The following SH3PXD2B variants were observed in gnomAD, a reference collection of about 807,000 sequenced individuals.
SH3PXD2B encodes SH3 and PX domain-containing protein 2B.
A neutral mutation model predicts 73.1 loss-of-function variants in SH3PXD2B; 37 were observed. That is an observed-to-expected ratio of 0.51 (90% CI 0.39 to 0.67). SH3PXD2B has a LOEUF of 0.67. SH3PXD2B is among the 30% of genes least tolerant of loss of function. SH3PXD2B has a pLI of 0.00. For missense variants in SH3PXD2B, 1,053 were observed against 1,197.8 expected, an observed-to-expected ratio of 0.88 and a Z score of 1.78; for synonymous variants, 457 against 480.5, an observed-to-expected ratio of 0.95 and a Z score of 0.64.
intron 4 of SH3PXD2B, among the ~76,000 whole-genome samples, chr5:172,385,975 C>T (rs1758052238): frequency 6.6e-6 from 1 of 152,236 alleles, no homozygotes; most frequent in South Asian, 2.1e-4. Flanking sequence ...AGAACCACAG[C>T]TCCAGCAAAC....
Position 172,368,526 on chromosome 5 carries a change from T to A in SH3PXD2B, c.427+5264A>T, listed in dbSNP as rs796600582. Among the ~76,000 whole-genome samples the A allele has an allele frequency of 7.9e-3, 56 of 7,078 alleles. 1 individual carries two copies. The highest frequency in any genetic ancestry group is 9.9e-3 in the Admixed American group (3 of 302). The allele number at this position is 7,078 out of a possible 152,430, so 4.6% of individuals were successfully genotyped here. ...TATATATATATAAAATATATATATA[T>A]TATATATATATATAAAATATATATA... On this transcript the variant is annotated intron_variant, in intron 6 of 12. Coordinates refer to ENST00000311601, the MANE Select transcript of SH3PXD2B (RefSeq NM_001017995.3).
chr5:172,350,510 G>A lies in SH3PXD2B; in HGVS notation c.865C>T (p.Pro289Ser), dbSNP rs1223712482. 1.9e-6 allele frequency: 3 copies of A among 1,614,038 alleles called. No homozygotes were observed. The highest frequency in any genetic ancestry group is 1.7e-6 in the Non-Finnish European group (2 of 1,180,038). ...SGEPLPPKPG[P>S]GSPSHPGALD... Reference sequence around the variant, plus strand: ...GCACCCGGGTGGGAGGGTGAGCCAGGGCCTGGCTTCGGGGGCAAGGGCTCC... The same window carrying A: ...GCACCCGGGTGGGAGGGTGAGCCAGAGCCTGGCTTCGGGGGCAAGGGCTCC... The change falls in exon 10 of 13, where the codon CCT becomes TCT. Residue 289 changes from proline to serine, a missense_variant. This residue lies in a region of SH3PXD2B where 466 missense variants were observed against 607.1 expected (regional missense o/e 0.77). Coordinates refer to ENST00000311601, the MANE Select transcript of SH3PXD2B (RefSeq NM_001017995.3).
intron 12 of SH3PXD2B, among the ~76,000 whole-genome samples, chr5:172,341,182 G>A (rs1233841925): frequency 6.6e-6 from 1 of 152,218 alleles, no homozygotes; most frequent in Non-Finnish European, 1.5e-5. Flanking sequence ...AAATTCGTAT[G>A]TTGAAGCCCT....
chr5:172,345,921 T>TA (rs1364971914), intron 12 of SH3PXD2B, among the ~76,000 whole-genome samples: 6 of 152,176 alleles, frequency 3.9e-5, no homozygotes, highest in Admixed American at 2.0e-4. Context: ...GTTCTGGAAT[T>TA]AGACAGTGGT....
intron 1 of SH3PXD2B, among the ~76,000 whole-genome samples, chr5:172,432,301 GC>G (rs141454368): frequency 0.034 from 5,162 of 152,272 alleles, 110 homozygotes; most frequent in Non-Finnish European, 0.049. Context: ...CAGCCATCTT[GC>G]GTTTAGGCTC....
intron 1 of SH3PXD2B, among the ~76,000 whole-genome samples, chr5:172,427,779 A>T (rs1292947689): frequency 1.4e-5 from 2 of 138,916 alleles, no homozygotes; most frequent in African/African-American, 2.6e-5. Context: ...TGTTACCACG[A>T]TTTTTTTTTT....
rs1757133763 is a variant in SH3PXD2B, at chr5:172,350,443, C to G, written c.932G>C (p.Gly311Ala). Residue 311 changes from glycine (G) to alanine (A), a missense_variant, in exon 10 of 13, where the codon GGC (glycine) becomes GCC (alanine). This residue lies in a region of SH3PXD2B where 466 missense variants were observed against 607.1 expected (regional missense o/e 0.77). Transcript: ENST00000311601. ...GCTGCTGAGCAGCTCCTTCTCCCTG[C>G]CCACCGCGTTCTGCTGCCGGGAAAC... ...DGVSRQQNAV[G>A]REKELLSSQR... The G allele has an allele frequency of 1.2e-6, 2 of 1,613,972 alleles. No individual in the cohort carries two copies. Among genetic ancestry groups the G allele is most frequent in the African/African-American group, 1.3e-5 (1 of 74,916 alleles).
intron 3 of SH3PXD2B, among the ~76,000 whole-genome samples, chr5:172,398,780 C>T (rs1758363658): frequency 6.6e-6 from 1 of 152,324 alleles, no homozygotes; most frequent in South Asian, 2.1e-4. Flanking sequence ...TTGTTTTCTA[C>T]ACCATGGGGA....
In SH3PXD2B at chr5:172,334,354, TC is replaced by T; in HGVS notation, c.*4014del. On this transcript the variant is annotated 3_prime_UTR_variant, in exon 13 of 13. Coordinates refer to ENST00000311601, the MANE Select transcript of SH3PXD2B (RefSeq NM_001017995.3). ...ACTTACTCTAGTTAGGAGCAATTCCTCCAGGCCAAGAGAGGGCGCCCTGCAC... is the reference window on the plus strand; with the variant it reads ...ACTTACTCTAGTTAGGAGCAATTCCTCAGGCCAAGAGAGGGCGCCCTGCAC... 1.0e-6 allele frequency: 1 copy of T among 993,832 alleles called. No individual in the cohort carries two copies. The highest frequency in any genetic ancestry group is 1.2e-6 in the Non-Finnish European group (1 of 836,518). 61.6% of individuals were successfully genotyped at this position (993,832 alleles called of 1,614,324 possible).
rs543909378 is a variant in SH3PXD2B, at chr5:172,404,362, G to A, written c.232+1915C>T. Among the ~76,000 whole-genome samples, 19 of 152,020 alleles carry A rather than the reference G, an allele frequency of 1.2e-4. No homozygotes were observed. The South Asian group carries it at 3.7e-3, about 30-fold the overall frequency. Reference sequence around the variant, plus strand: ...TCACTCTTTCACCCAGGCTGAAGTGGTGCAATCTCAGCTCACTGCAACCTC... The same window carrying A: ...TCACTCTTTCACCCAGGCTGAAGTGATGCAATCTCAGCTCACTGCAACCTC... On this transcript the variant is annotated intron_variant, in intron 3 of 12. Coordinates refer to ENST00000311601, the MANE Select transcript of SH3PXD2B (RefSeq NM_001017995.3).
At chr5:172,420,721 C>T (rs368340903) in intron 2 of SH3PXD2B, among the ~76,000 whole-genome samples, 5 of 152,322 alleles carry the variant, frequency 3.3e-5, no homozygotes, top group African/African-American at 1.2e-4. Context: ...ATTTCTCACT[C>T]ATATTGATTG....
At chr5:172,345,675 GACAA>G (rs1192792197) in intron 12 of SH3PXD2B, among the ~76,000 whole-genome samples, 1 of 152,230 alleles carries the variant, frequency 6.6e-6, no homozygotes, top group Non-Finnish European at 1.5e-5. Context: ...GAACAAAGTA[GACAA>G]ACAGAGAGAG....
chr5:172,452,268 G>C (rs1759813498), intron 1 of SH3PXD2B, among the ~76,000 whole-genome samples: 1 of 152,104 alleles, frequency 6.6e-6, no homozygotes, highest in Non-Finnish European at 1.5e-5. Flanking sequence ...CTTGTCTCAG[G>C]GGGCCCCCAA....
chr5:172,432,498 C>T (rs558472188), intron 1 of SH3PXD2B, among the ~76,000 whole-genome samples: 13 of 152,208 alleles, frequency 8.5e-5, no homozygotes, highest in African/African-American at 2.4e-4. Flanking sequence ...CGTTGGGTGA[C>T]GCAAATTTTT....
Position 172,341,501 on chromosome 5 carries a change from C to G in SH3PXD2B, c.1189-1585G>C, listed in dbSNP as rs185984810. Among the ~76,000 whole-genome samples, 263 of 152,270 alleles carry G rather than the reference C, an allele frequency of 1.7e-3. 1 individual carries two copies. Among genetic ancestry groups the G allele is most frequent in the African/African-American group, 5.9e-3 (245 of 41,546 alleles). ...GCTCCTGCTCTTGCTATGTGATGTGCCTACTCCTGCTTTGCCTTCCGCCCT... is the reference window on the plus strand; with the variant it reads ...GCTCCTGCTCTTGCTATGTGATGTGGCTACTCCTGCTTTGCCTTCCGCCCT... On this transcript the variant is annotated intron_variant, in intron 12 of 12. Coordinates refer to ENST00000311601, the MANE Select transcript of SH3PXD2B (RefSeq NM_001017995.3).
intron 7 of SH3PXD2B, among the ~76,000 whole-genome samples, chr5:172,359,387 C>CACAAAAAAA (rs1757350433): frequency 1.2e-5 from 1 of 84,086 alleles, no homozygotes; most frequent in Non-Finnish European, 2.2e-5. Flanking sequence ...ACCCCCATCT[C>CACAAAAAAA]AAAAAAAAAA....
At chr5:172,449,185 T>C (rs910789020) in intron 1 of SH3PXD2B, among the ~76,000 whole-genome samples, 2 of 152,094 alleles carry the variant, frequency 1.3e-5, no homozygotes, top group East Asian at 3.9e-4. Context: ...GGGGTGAGAA[T>C]GACTAAGGGC....
At chr5:172,333,257 T>C (rs950160454), downstream of SH3PXD2B, among the ~76,000 whole-genome samples, 6 of 151,980 alleles carry the variant, frequency 3.9e-5, no homozygotes, top group Non-Finnish European at 7.4e-5. Context: ...CTCTTGACCA[T>C]CAGGAGGCAA....
At chr5:172,412,405 T>G (rs1040129869) in intron 2 of SH3PXD2B, among the ~76,000 whole-genome samples, 1 of 152,256 alleles carries the variant, frequency 6.6e-6, no homozygotes, top group Non-Finnish European at 1.5e-5. Context: ...TGAATTTACA[T>G]TTAAATACCC....
Sources: allele counts gnomAD v4.1 joint callset (sites outside exome capture counted in the v4.1 genomes callset), GRCh38; gene constraint gnomAD v4.1.1; regional missense constraint gnomAD v4.1.1; transcripts MANE v1.5; gene names NCBI Gene and HGNC (gene_info 2026-07-23, HGNC 2026-07-21).